ZNF395: variants seen among roughly 807,000 people sequenced by gnomAD.
ZNF395 encodes zinc finger protein 395, also known as HD gene regulatory region-binding protein 2.
ZNF395 carries 20 observed loss-of-function variants against 57.7 expected under a neutral mutation model. The ratio of observed to expected loss-of-function variants is 0.35; its 90% CI spans 0.24 to 0.50. ZNF395 has a LOEUF of 0.50. ZNF395 is among the 20% of genes least tolerant of loss of function. The pLI is 0.97. For missense variants in ZNF395, 606 were observed against 671.2 expected (o/e 0.90, Z 1.07); for synonymous variants, 295 against 275.9 (o/e 1.07, Z -0.69).
In ZNF395 at chr8:28,362,400, C is replaced by T. The variant is rs529521997; in HGVS notation, c.-58-1218G>A. On this transcript the variant is annotated intron_variant, in intron 1 of 9. Coordinates refer to ENST00000344423, the MANE Select transcript of ZNF395 (RefSeq NM_018660.3). ...TGCTGTTCCAGTCCTCTGTTCCCTACTATTCGCTCATTTGCTTATTATGTG... is the reference window on the plus strand; with the variant it reads ...TGCTGTTCCAGTCCTCTGTTCCCTATTATTCGCTCATTTGCTTATTATGTG... 3.3e-4 allele frequency among the ~76,000 whole-genome samples: 50 copies of T among 152,334 alleles called. 1 individual carries two copies. The highest frequency in any genetic ancestry group is 1.2e-3 in the African/African-American group (50 of 41,586).
Position 28,352,819 on chromosome 8 carries a change from A to C in ZNF395, c.820-146T>G. The C allele has an allele frequency of 1.5e-6, 1 of 665,968 alleles. No homozygotes were observed. Among genetic ancestry groups the C allele is most frequent in the Non-Finnish European group, 2.6e-6 (1 of 389,984 alleles). The allele number at this position is 665,968 out of a possible 1,614,324, so 41.3% of individuals were successfully genotyped here. A position where few individuals can be genotyped will look rare whatever the true frequency, so the allele number is the denominator to read the frequency against. On this transcript the variant is annotated intron_variant, in intron 5 of 9. Coordinates refer to ENST00000344423, the MANE Select transcript of ZNF395 (RefSeq NM_018660.3). This position sits in a 1 kb window ranked among gnomAD's most constrained non-coding sequence, Gnocchi z 4.0. ...AAAGGGGTTCTCTGGGACCAGAGAAACTTACAACCAGGGGCTAGAAAGCCC... is the reference window on the plus strand; with the variant it reads ...AAAGGGGTTCTCTGGGACCAGAGAACCTTACAACCAGGGGCTAGAAAGCCC...
intron 1 of ZNF395, among the ~76,000 whole-genome samples, chr8:28,373,809 C>T (rs193056495): frequency 6.6e-6 from 1 of 152,170 alleles, no homozygotes; most frequent in Non-Finnish European, 1.5e-5. Context: ...CCACCTAGCA[C>T]ACTCTAAATC....
At position 28,351,488 on chromosome 8, in the gene ZNF395, C is replaced by T. The variant is rs552475996; in HGVS notation, c.1233+7G>A. 5.7e-6 allele frequency: 9 copies of T among 1,590,920 alleles called. No individual in the cohort carries two copies. Among genetic ancestry groups the T allele is most frequent in the Admixed American group, 3.4e-5 (2 of 58,368 alleles). On this transcript the variant is annotated splice_region_variant and intron_variant, in intron 7 of 9. Coordinates refer to ENST00000344423, the MANE Select transcript of ZNF395 (RefSeq NM_018660.3). ...AGCCTGAGCCTCCAGCGAGCCCCGC[C>T]CCATACCTGGTATGCATGATCTGCC...
chr8:28,367,326 A>G (rs1292303480), intron 1 of ZNF395, among the ~76,000 whole-genome samples: 2 of 152,212 alleles, frequency 1.3e-5, no homozygotes, highest in South Asian at 2.1e-4. Flanking sequence ...TACTCTAAGT[A>G]ATAGATGTAA....
intron 1 of ZNF395, among the ~76,000 whole-genome samples, chr8:28,364,839 G>GA (rs1213971147): frequency 6.6e-6 from 1 of 152,082 alleles, no homozygotes; most frequent in Non-Finnish European, 1.5e-5. Flanking sequence ...TTCATTCCTT[G>GA]AAAAAATCTC....
chr8:28,365,954 C>T (rs1294626991), intron 1 of ZNF395, among the ~76,000 whole-genome samples: 1 of 152,212 alleles, frequency 6.6e-6, no homozygotes, highest in Non-Finnish European at 1.5e-5. Context: ...GGCACGCCCC[C>T]ACACTTGTGT....
chr8:28,377,930 G>A (rs150765416), intron 1 of ZNF395, among the ~76,000 whole-genome samples: 1 of 151,578 alleles, frequency 6.6e-6, no homozygotes, highest in Non-Finnish European at 1.5e-5. Context: ...GCTAATTTTT[G>A]TATTTTTAGT....
chr8:28,370,398 T>C (rs935136658), intron 1 of ZNF395, among the ~76,000 whole-genome samples: 1 of 152,194 alleles, frequency 6.6e-6, no homozygotes, highest in African/African-American at 2.4e-5. Flanking sequence ...AAACGTATTT[T>C]TCTCTGGAGG....
At position 28,351,653 on chromosome 8, in the gene ZNF395, T is replaced by C. The variant is rs757279798; in HGVS notation, c.1075A>G (p.Met359Val). 1 of 1,613,268 alleles carries C rather than the reference T, an allele frequency of 6.2e-7. No individual in the cohort carries two copies. The highest frequency in any genetic ancestry group is 1.1e-5 in the South Asian group (1 of 91,082). ...PTSEPAPTPS[M>V]TGLPLSALPP... ...AGAGCAGACAGAGGCAGGCCAGTCA[T>C]GCTGGGGGTGGGAGCTGGCTCGGAG... The change falls in exon 7 of 10, where the codon ATG becomes GTG. Residue 359 changes from methionine to valine, a missense_variant. Physicochemically the swap from Met to Val is conservative, Grantham distance 21. Around this residue, in one of 3 missense-constraint regions of ZNF395, gnomAD observed 261 missense variants for 240.3 expected, o/e 1.09. Coordinates refer to ENST00000344423, the MANE Select transcript of ZNF395 (RefSeq NM_018660.3).
chr8:28,369,569 C>T (rs1198012035), intron 1 of ZNF395, among the ~76,000 whole-genome samples: 1 of 152,222 alleles, frequency 6.6e-6, no homozygotes, highest in Non-Finnish European at 1.5e-5. Flanking sequence ...CCGACCCCTG[C>T]CCATTACCCA....
At chr8:28,362,417 T>A (rs1801861474) in intron 1 of ZNF395, among the ~76,000 whole-genome samples, 1 of 152,240 alleles carries the variant, frequency 6.6e-6, no homozygotes, top group Non-Finnish European at 1.5e-5. Context: ...CTCATTTGCT[T>A]ATTATGTGCA....
At position 28,348,446 on chromosome 8, in the gene ZNF395, T is replaced by A; in HGVS notation, c.*273A>T. ...GATGTGGGAAACGGAGGGTAATTAA[T>A]TCTTTGGTCACTGGTTCACTGCTGA... On this transcript the variant is annotated 3_prime_UTR_variant, in exon 10 of 10. Coordinates refer to ENST00000344423, the MANE Select transcript of ZNF395 (RefSeq NM_018660.3). 1 of 417,176 alleles carries A rather than the reference T, an allele frequency of 2.4e-6. No homozygotes were observed. Among genetic ancestry groups the A allele is most frequent in the Non-Finnish European group, 4.5e-6 (1 of 222,464 alleles). The allele number at this position is 417,176 out of a possible 1,614,324, so 25.8% of individuals were successfully genotyped here.
At chr8:28,385,785 G>A (rs1319792360) in intron 1 of ZNF395, among the ~76,000 whole-genome samples, 5 of 148,356 alleles carry the variant, frequency 3.4e-5, no homozygotes, top group African/African-American at 9.7e-5. Context: ...CGCCGGCGGA[G>A]GGCGAGGTAA....
At chr8:28,350,261 G>C (rs755867602) in intron 7 of ZNF395, 105 bp from the exon 8 acceptor site, 2 of 947,930 alleles carry the variant, frequency 2.1e-6, no homozygotes, top group East Asian at 2.7e-5. Flanking sequence ...GCATCTCTGC[G>C]TAAGTGCAAT....
At chr8:28,355,652 C>T (rs1194819732) in intron 4 of ZNF395, among the ~76,000 whole-genome samples, 1 of 152,158 alleles carries the variant, frequency 6.6e-6, no homozygotes, top group Admixed American at 6.5e-5. Context: ...ATCTCCTAAA[C>T]TCTCCTGAGA....
intron 1 of ZNF395, among the ~76,000 whole-genome samples, chr8:28,380,240 G>T (rs1802093083): frequency 6.6e-6 from 1 of 152,070 alleles, no homozygotes; most frequent in Non-Finnish European, 1.5e-5. Context: ...CCCAGAAGTG[G>T]TATTATCTTA....
At chr8:28,360,848 C>G in intron 2 of ZNF395, 37 bp downstream of exon 2, 1 of 1,605,580 alleles carries the variant, frequency 6.2e-7, no homozygotes, top group Non-Finnish European at 8.5e-7. Context: ...CCAAGACTGG[C>G]AAGACGGGAC....
chr8:28,355,441 A>C (rs1014622585), intron 4 of ZNF395, among the ~76,000 whole-genome samples: 1 of 146,252 alleles, frequency 6.8e-6, no homozygotes, highest in Non-Finnish European at 1.5e-5. Context: ...AATTTAATAG[A>C]CAATTTTTTT....
In ZNF395 at chr8:28,346,964, T is replaced by G. The variant is rs1801611062; in HGVS notation, c.*1755A>C. The G allele has an allele frequency of 6.7e-6, 1 of 149,678 alleles. No homozygotes were observed. The highest frequency in any genetic ancestry group is 2.5e-5 in the African/African-American group (1 of 40,584). The allele number at this position is 149,678 out of a possible 1,614,324, so 9.3% of individuals were successfully genotyped here. ...ATACATTTTTTTTTTTTTACTAAGT[T>G]ATAAAAAAAAAAACCCCATCACCAA... On this transcript the variant is annotated 3_prime_UTR_variant, in exon 10 of 10. Transcript: ENST00000344423.
Sources: gnomAD v4.1 joint callset for allele counts (sites outside exome capture counted in the v4.1 genomes callset) on GRCh38, gnomAD v4.1.1 for gene constraint, gnomAD v4.1.1 regional missense constraint, Gnocchi (gnomAD v3.1) non-coding constraint, MANE v1.5 for transcripts, NCBI Gene and HGNC (gene_info 2026-07-23, HGNC 2026-07-21) for gene names.